The following ATRNL1 variants were observed in gnomAD, a reference collection of about 807,000 sequenced individuals.
ATRNL1 encodes attractin-like protein 1.
A neutral mutation model predicts 182.7 loss-of-function variants in ATRNL1; 95 were observed. The observed-to-expected ratio is 0.52, with a 90% CI of 0.44 to 0.62. The LOEUF is 0.62. Among genes scored for constraint, ATRNL1 ranks in the 20% least tolerant of loss-of-function variants. ATRNL1 has a pLI of 0.00. For synonymous variants in ATRNL1, 576 were observed against 568.3 expected (o/e 1.01, Z -0.19); for missense variants, 1,471 against 1,679.5 (o/e 0.88, Z 2.17).
intron 18 of ATRNL1, 81 bp downstream of exon 18, chr10:115,315,817 AT>A: frequency 1.7e-6 from 2 of 1,207,018 alleles, no homozygotes; most frequent in Non-Finnish European, 2.3e-6. Flanking sequence ...AATAAAGAAA[AT>A]TTAGCTTTAG....
chr10:115,565,414 G>A (rs1854017206), intron 26 of ATRNL1, among the ~76,000 whole-genome samples: 1 of 152,084 alleles, frequency 6.6e-6, no homozygotes, highest in Admixed American at 6.6e-5. Flanking sequence ...GTTTGTGTGT[G>A]TGTGTAACTG....
chr10:115,923,420 C>G (rs1761134947), intron 28 of ATRNL1, among the ~76,000 whole-genome samples: 1 of 152,144 alleles, frequency 6.6e-6, no homozygotes, highest in Admixed American at 6.6e-5. Flanking sequence ...CCCAACCCCT[C>G]ACAACAGGCC....
chr10:115,323,406 TCCC>T (rs1854688291), intron 18 of ATRNL1, among the ~76,000 whole-genome samples: 1 of 10,712 alleles, frequency 9.3e-5, no homozygotes, highest in Non-Finnish European at 1.6e-4. Context: ...GATTTCTCCC[TCCC>T]CTCCCCTCCC....
Position 115,549,554 on chromosome 10 carries a change from T to C in ATRNL1, c.3795+18T>C. 1 of 1,536,198 alleles carries C rather than the reference T, an allele frequency of 6.5e-7. No homozygotes were observed. ...GGAGAGAGGTATCAGTAATATTATT[T>C]AATCTTTTGTTTAAAGATTTAAGCA... On this transcript the variant is annotated intron_variant, in intron 26 of 28. Coordinates refer to ENST00000355044, the MANE Select transcript of ATRNL1 (RefSeq NM_207303.4).
chr10:115,919,007 A>T (rs1041726017), intron 28 of ATRNL1, among the ~76,000 whole-genome samples: 4 of 152,200 alleles, frequency 2.6e-5, no homozygotes, highest in Non-Finnish European at 5.9e-5. Context: ...ACTTCTAGAC[A>T]TAAATAAAAC....
intron 25 of ATRNL1, among the ~76,000 whole-genome samples, chr10:115,531,719 A>T (rs2133748716): frequency 6.6e-6 from 1 of 151,302 alleles, no homozygotes; most frequent in African/African-American, 2.4e-5. Context: ...TATGTCCTGA[A>T]TGGTAAAGCC....
intron 27 of ATRNL1, among the ~76,000 whole-genome samples, chr10:115,758,790 C>G (rs1948658892): frequency 6.6e-6 from 1 of 152,264 alleles, no homozygotes; most frequent in Non-Finnish European, 1.5e-5. Flanking sequence ...CCAGTTCGAA[C>G]TTCCTGGTGG....
At chr10:115,259,728 G>A (rs1424357304) in intron 10 of ATRNL1, among the ~76,000 whole-genome samples, 1 of 152,164 alleles carries the variant, frequency 6.6e-6, no homozygotes, top group East Asian at 1.9e-4. Flanking sequence ...GACTGGAGCT[G>A]TTCCTATTCG....
chr10:115,397,263 G>T (rs1844334884), intron 20 of ATRNL1, among the ~76,000 whole-genome samples: 1 of 151,892 alleles, frequency 6.6e-6, no homozygotes, highest in Non-Finnish European at 1.5e-5. Context: ...TAGCAGTGAA[G>T]ACACTGACCA....
intron 26 of ATRNL1, among the ~76,000 whole-genome samples, chr10:115,604,790 A>G (rs1028157858): frequency 6.6e-6 from 1 of 152,142 alleles, no homozygotes; most frequent in Non-Finnish European, 1.5e-5. Flanking sequence ...CAAGACTTTC[A>G]TAGATTTTCT....
intron 8 of ATRNL1, among the ~76,000 whole-genome samples, chr10:115,178,591 A>G (rs1397809717): frequency 1.3e-5 from 2 of 152,098 alleles, no homozygotes; most frequent in African/African-American, 2.4e-5. Context: ...CCTAATCCCC[A>G]TTGCGGTAGT....
chr10:115,784,874 A>G (rs1034382054), intron 27 of ATRNL1, among the ~76,000 whole-genome samples: 2 of 152,200 alleles, frequency 1.3e-5, no homozygotes, highest in Non-Finnish European at 2.9e-5. Context: ...GTAAGGTCAC[A>G]TTTTGGGTGG....
At chr10:115,399,427 CT>C (rs568871894) in intron 20 of ATRNL1, among the ~76,000 whole-genome samples, 1 of 151,904 alleles carries the variant, frequency 6.6e-6, no homozygotes, top group Non-Finnish European at 1.5e-5. Context: ...GAAATTTATC[CT>C]TTTTTTATTT....
Position 115,663,050 on chromosome 10 carries a change from T to C in ATRNL1, c.3796-64198T>C, listed in dbSNP as rs542086310. On this transcript the variant is annotated intron_variant, in intron 26 of 28. Coordinates refer to ENST00000355044, the MANE Select transcript of ATRNL1 (RefSeq NM_207303.4). Reference sequence around the variant, plus strand: ...AGAGTTATTCAAATTTTTATTGTTATATAAATTAAAATTTAGTGTAATTTT... The same window carrying C: ...AGAGTTATTCAAATTTTTATTGTTACATAAATTAAAATTTAGTGTAATTTT... 2.6e-5 allele frequency among the ~76,000 whole-genome samples: 4 copies of C among 152,296 alleles called. No individual in the cohort carries two copies. In the South Asian group the frequency reaches 6.2e-4, roughly 24 times the overall value.
chr10:115,835,303 G>A (rs1950644387), intron 27 of ATRNL1, among the ~76,000 whole-genome samples: 1 of 152,086 alleles, frequency 6.6e-6, no homozygotes, highest in Non-Finnish European at 1.5e-5. Context: ...TTAACAAAAA[G>A]TAAGATACAT....
intron 26 of ATRNL1, among the ~76,000 whole-genome samples, chr10:115,626,945 T>G (rs1326710526): frequency 6.6e-6 from 1 of 152,176 alleles, no homozygotes; most frequent in Non-Finnish European, 1.5e-5. Flanking sequence ...TAACATGGTT[T>G]TTGCCTCCAT....
At chr10:115,159,889 A>G in intron 5 of ATRNL1, 151 bp from the exon 6 acceptor site, 1 of 572,788 alleles carries the variant, frequency 1.7e-6, no homozygotes, top group Non-Finnish European at 2.7e-6. Context: ...TGTGAGTATT[A>G]TTCTTGTAAG....
At chr10:115,510,902 G>T (rs925467815) in intron 24 of ATRNL1, among the ~76,000 whole-genome samples, 10 of 151,936 alleles carry the variant, frequency 6.6e-5, no homozygotes, top group Non-Finnish European at 1.5e-5. Context: ...CTCTTTTGGG[G>T]TTAAAGAGAG....
chr10:115,169,586 C>T (rs1380079502), intron 7 of ATRNL1, among the ~76,000 whole-genome samples: 1 of 152,034 alleles, frequency 6.6e-6, no homozygotes, highest in Non-Finnish European at 1.5e-5. Context: ...CAAGATTGTT[C>T]TGATGTTCTG....
Sources: gnomAD v4.1 joint callset for allele counts (sites outside exome capture counted in the v4.1 genomes callset) on GRCh38, gnomAD v4.1.1 for gene constraint, MANE v1.5 for transcripts, NCBI Gene and HGNC (gene_info 2026-07-23, HGNC 2026-07-21) for gene names.